The following SGCG variants were observed in gnomAD, a reference collection of about 807,000 sequenced individuals.
SGCG encodes sarcoglycan gamma.
A neutral mutation model predicts 29.3 loss-of-function variants in SGCG; 26 were observed. The observed-to-expected ratio is 0.89, with a 90% CI of 0.65 to 1.23. The LOEUF (loss-of-function observed/expected upper bound fraction) is 1.23, where lower values mean the gene tolerates loss of function less well. Among genes scored for constraint, SGCG ranks in the 50% most tolerant of loss-of-function variants. The pLI is 0.00. For missense variants in SGCG, 353 were observed against 356.0 expected, an observed-to-expected ratio of 0.99 and a Z score of 0.07; for synonymous variants, 145 against 129.7, an observed-to-expected ratio of 1.12 and a Z score of -0.80.
intron 5 of SGCG, among the ~76,000 whole-genome samples, chr13:23,291,504 C>T (rs578188591): frequency 3.9e-5 from 6 of 152,178 alleles, no homozygotes; most frequent in South Asian, 4.1e-4. Context: ...TTTTATTATA[C>T]GCAAATAGGT....
intron 2 of SGCG, among the ~76,000 whole-genome samples, chr13:23,211,844 G>A (rs539976201): frequency 1.3e-5 from 2 of 152,184 alleles, no homozygotes; most frequent in African/African-American, 2.4e-5. Flanking sequence ...AGGCACACAC[G>A]TACAGTCACA....
chr13:23,232,820 T>C (rs1036266007), intron 2 of SGCG, among the ~76,000 whole-genome samples: 7 of 152,078 alleles, frequency 4.6e-5, no homozygotes, highest in African/African-American at 1.4e-4. Flanking sequence ...AGTTAGGCAA[T>C]CAGATATATG....
At chr13:23,276,436 T>C (rs920205787) in intron 4 of SGCG, among the ~76,000 whole-genome samples, 5 of 134,836 alleles carry the variant, frequency 3.7e-5, no homozygotes, top group East Asian at 2.1e-4. Flanking sequence ...GTTTTCTTTT[T>C]TTTTTTTTTT....
chr13:23,178,284 C>A (rs1186674457), upstream of SGCG, among the ~76,000 whole-genome samples: 1 of 152,134 alleles, frequency 6.6e-6, no homozygotes, highest in Non-Finnish European at 1.5e-5. Context: ...GCAAGCAGAG[C>A]AGGAGGTTCT....
At chr13:23,194,940 G>A (rs1173750567) in intron 1 of SGCG, among the ~76,000 whole-genome samples, 1 of 152,180 alleles carries the variant, frequency 6.6e-6, no homozygotes, top group East Asian at 1.9e-4. Flanking sequence ...AGTAGACACA[G>A]GGTTGCAGCT....
chr13:23,287,936 G>T (rs985868184), intron 5 of SGCG, among the ~76,000 whole-genome samples: 9 of 152,094 alleles, frequency 5.9e-5, no homozygotes, highest in African/African-American at 1.9e-4. Context: ...TGAATTTTCA[G>T]AAGAGATGGG....
chr13:23,242,129 A>C (rs981654987), intron 3 of SGCG, among the ~76,000 whole-genome samples: 2 of 152,206 alleles, frequency 1.3e-5, no homozygotes, highest in African/African-American at 4.8e-5. Context: ...AAGAATGGTA[A>C]GGAAATATTA....
At chr13:23,194,384 G>C (rs1415022208) in intron 1 of SGCG, among the ~76,000 whole-genome samples, 1 of 152,184 alleles carries the variant, frequency 6.6e-6, no homozygotes, top group African/African-American at 2.4e-5. Flanking sequence ...AGTCGAAGAA[G>C]TTCAAGTGAA....
intron 4 of SGCG, among the ~76,000 whole-genome samples, chr13:23,277,521 T>A (rs1020252209): frequency 1.2e-4 from 19 of 152,190 alleles, no homozygotes; most frequent in African/African-American, 4.3e-4. Context: ...GGGTTTTAAA[T>A]ACAAATTAAT....
At chr13:23,296,247 A>T (rs868467649) in intron 6 of SGCG, among the ~76,000 whole-genome samples, 15 of 152,374 alleles carry the variant, frequency 9.8e-5, no homozygotes, top group African/African-American at 3.4e-4. Context: ...AAGGTGCCTT[A>T]TGTGGCCGTG....
the SGCG span, among the ~76,000 whole-genome samples, chr13:23,173,482 C>T: frequency 1.6e-4 from 25 of 152,164 alleles, no homozygotes; most frequent in African/African-American, 6.0e-4. Context: ...TTTCAATGGC[C>T]AACATACTTT....
chr13:23,210,294 T>C (rs1475124904), intron 2 of SGCG, among the ~76,000 whole-genome samples: 1 of 152,236 alleles, frequency 6.6e-6, no homozygotes, highest in Non-Finnish European at 1.5e-5. Flanking sequence ...TAGCTCATCA[T>C]AATTGAGGAA....
At chr13:23,248,501 C>T (rs573927386) in intron 3 of SGCG, among the ~76,000 whole-genome samples, 1 of 151,186 alleles carries the variant, frequency 6.6e-6, no homozygotes, top group South Asian at 2.1e-4. Flanking sequence ...GAGATGGAGA[C>T]CATCTTGGCT....
intron 4 of SGCG, among the ~76,000 whole-genome samples, chr13:23,252,705 AAAAC>A (rs143267261): frequency 0.17 from 26,193 of 151,832 alleles, 2,332 homozygotes; most frequent in African/African-American, 0.22. Context: ...AAAACAAAAC[AAAAC>A]AAACAAACAA....
rs974848039 is a variant in SGCG, at chr13:23,253,027, T to C, written c.385+2310T>C. Among the ~76,000 whole-genome samples, 17 of 152,330 alleles carry C rather than the reference T, an allele frequency of 1.1e-4. 1 individual carries two copies. The highest frequency in any genetic ancestry group is 3.4e-3 in the Middle Eastern group (1 of 294). ...CTAGTTGCTTCAAATATAGTTTCCA[T>C]TTCATTTTTGTCACCAAGAAATTAC... On this transcript the variant is annotated intron_variant, in intron 4 of 7. Coordinates refer to ENST00000218867, the MANE Select transcript of SGCG (RefSeq NM_000231.3).
At chr13:23,295,872 G>A (rs934234660) in intron 6 of SGCG, among the ~76,000 whole-genome samples, 7 of 152,224 alleles carry the variant, frequency 4.6e-5, no homozygotes, top group Non-Finnish European at 1.0e-4. Context: ...AGTCTGGGCT[G>A]TGACTGGCGG....
At chr13:23,219,078 T>TG (rs1878552710) in intron 2 of SGCG, among the ~76,000 whole-genome samples, 1 of 150,900 alleles carries the variant, frequency 6.6e-6, no homozygotes, top group Non-Finnish European at 1.5e-5. Context: ...GATGGAGTCT[T>TG]GATCTGTCGC....
chr13:23,186,756 G>A (rs1876991322), intron 1 of SGCG, among the ~76,000 whole-genome samples: 2 of 152,110 alleles, frequency 1.3e-5, no homozygotes, highest in African/African-American at 4.8e-5. Context: ...CAAGAACAGG[G>A]GATCCCGGGC....
chr13:23,295,486 A>AG lies in SGCG; in HGVS notation c.578+1dup. Reference sequence around the variant, plus strand: ...CAGAGCCGACCCGTTTCAAGACCTTAGGTAAGAATTTTTGTTCAAATATTA... The same window carrying AG: ...CAGAGCCGACCCGTTTCAAGACCTTAGGGTAAGAATTTTTGTTCAAATATTA... On this transcript the variant is annotated frameshift_variant and splice_region_variant, in exon 6 of 8. Coordinates refer to ENST00000218867, the MANE Select transcript of SGCG (RefSeq NM_000231.3). LOFTEE classifies it high-confidence loss of function. 1 of 1,611,390 alleles carries AG rather than the reference A, an allele frequency of 6.2e-7. No homozygotes were observed. The highest frequency in any genetic ancestry group is 1.1e-5 in the South Asian group (1 of 91,030).
Sources: gnomAD v4.1 joint callset for allele counts (sites outside exome capture counted in the v4.1 genomes callset) on GRCh38, gnomAD v4.1.1 for gene constraint, MANE v1.5 for transcripts, NCBI Gene and HGNC (gene_info 2026-07-23, HGNC 2026-07-21) for gene names.